The following HSD17B4 variants were observed in gnomAD, a reference collection of about 807,000 sequenced individuals.
HSD17B4 encodes hydroxysteroid 17-beta dehydrogenase 4.
HSD17B4 carries 70 observed loss-of-function variants against 101.0 expected under a neutral mutation model. The ratio of observed to expected loss-of-function variants is 0.69; its 90% CI spans 0.57 to 0.85. The LOEUF is 0.85. Ranked by LOEUF, HSD17B4 falls within the 40% of genes least tolerant of loss-of-function variation. The pLI is 0.00. For synonymous variants in HSD17B4, 347 were observed against 297.1 expected (o/e 1.17, Z -1.73); for missense variants, 984 against 892.4 (o/e 1.10, Z -1.31).
At position 119,455,411 on chromosome 5, in the gene HSD17B4, C is replaced by T. The variant is rs181068983; in HGVS notation, c.59-904C>T. Among the ~76,000 whole-genome samples, 657 of 151,934 alleles carry T rather than the reference C, an allele frequency of 4.3e-3. 5 individuals carry two copies. The highest frequency in any genetic ancestry group is 0.015 in the African/African-American group (613 of 41,420). On this transcript the variant is annotated intron_variant, in intron 1 of 23. Coordinates refer to ENST00000510025, the MANE Select transcript of HSD17B4 (RefSeq NM_000414.4). ...GGGCGCCTGTAGTCCCAGCTACTCGCGAGGCTGAGGCAGGACAATCACCTG... is the reference window on the plus strand; with the variant it reads ...GGGCGCCTGTAGTCCCAGCTACTCGTGAGGCTGAGGCAGGACAATCACCTG...
At chr5:119,514,766 G>A (rs1752466858) in intron 16 of HSD17B4, among the ~76,000 whole-genome samples, 1 of 152,080 alleles carries the variant, frequency 6.6e-6, no homozygotes, top group Non-Finnish European at 1.5e-5. Context: ...TTTACATTTA[G>A]AAAGGTCATT....
At chr5:119,502,855 A>G (rs1751296784) in intron 14 of HSD17B4, among the ~76,000 whole-genome samples, 1 of 152,144 alleles carries the variant, frequency 6.6e-6, no homozygotes, top group South Asian at 2.1e-4. Context: ...TGTAAGTATT[A>G]TAGCATAAGG....
chr5:119,493,894 C>G lies in HSD17B4; in HGVS notation c.816C>G (p.Asn272Lys). 6.2e-7 allele frequency: 1 copy of G among 1,613,334 alleles called. No individual in the cohort carries two copies. Among genetic ancestry groups the G allele is most frequent in the East Asian group, 2.2e-5 (1 of 44,860 alleles). ...TGACTCCTGAGGCAGTCAAGGCTAACTGGAAGAAGATCTGTGACTTTGAGA... is the reference window on the plus strand; with the variant it reads ...TGACTCCTGAGGCAGTCAAGGCTAAGTGGAAGAAGATCTGTGACTTTGAGA... Reference protein sequence around the residue: ...HPMTPEAVKANWKKICDFENA... With the variant: ...HPMTPEAVKAKWKKICDFENA... The change falls in exon 11 of 24, where the codon AAC becomes AAG. Residue 272 changes from asparagine to lysine, a missense_variant. By Grantham distance (94) the Asn-to-Lys change is moderately conservative (BLOSUM62 0). Coordinates refer to ENST00000510025, the MANE Select transcript of HSD17B4 (RefSeq NM_000414.4).
chr5:119,477,723 T>G (rs1275309780), intron 7 of HSD17B4: 21 of 521,128 alleles, frequency 4.0e-5, no homozygotes, highest in Non-Finnish European at 1.8e-5. Context: ...TTACCTCTTT[T>G]TGTTATTAAA....
intron 19 of HSD17B4, 74 bp downstream of exon 19, chr5:119,526,097 GATTTA>G: frequency 1.1e-6 from 1 of 870,166 alleles, no homozygotes; most frequent in Non-Finnish European, 2.0e-6. Flanking sequence ...GGGTTTTAGT[GATTTA>G]ATTGAAAATA....
intron 2 of HSD17B4, among the ~76,000 whole-genome samples, chr5:119,469,356 C>A (rs886279850): frequency 2.7e-5 from 4 of 145,716 alleles, no homozygotes; most frequent in Non-Finnish European, 6.1e-5. Flanking sequence ...ATTTTTATTT[C>A]TTTATTTATC....
chr5:119,457,025 C>T (rs768435218), intron 2 of HSD17B4, among the ~76,000 whole-genome samples: 3 of 152,138 alleles, frequency 2.0e-5, no homozygotes, highest in Non-Finnish European at 2.9e-5. Context: ...GGGGCAGTTA[C>T]ATGAGTTTTT....
intron 2 of HSD17B4, among the ~76,000 whole-genome samples, chr5:119,473,273 C>CTTTTTTTT (rs11408993): frequency 7.3e-4 from 27 of 36,916 alleles, no homozygotes; most frequent in South Asian, 5.3e-3. Context: ...GTGGATGAAT[C>CTTTTTTTT]TTTTTTTTTT....
chr5:119,517,042 G>A (rs937102525), intron 17 of HSD17B4, among the ~76,000 whole-genome samples: 3 of 152,240 alleles, frequency 2.0e-5, no homozygotes, highest in Non-Finnish European at 2.9e-5. Context: ...TGCACTGTGG[G>A]AGCCCCTTTC....
chr5:119,502,999 CA>C (rs1421081217), intron 14 of HSD17B4, among the ~76,000 whole-genome samples: 1 of 151,608 alleles, frequency 6.6e-6, no homozygotes, highest in African/African-American at 2.4e-5. Flanking sequence ...GTCTGTATAT[CA>C]AAATCACCCG....
chr5:119,487,587 T>A (rs1262060118), intron 8 of HSD17B4, among the ~76,000 whole-genome samples: 1 of 152,138 alleles, frequency 6.6e-6, no homozygotes, highest in Non-Finnish European at 1.5e-5. Context: ...ATATTATTAG[T>A]GATAATATAT....
intron 21 of HSD17B4, 173 bp downstream of exon 21, chr5:119,530,153 A>G (rs144609494): frequency 5.1e-5 from 31 of 613,674 alleles, no homozygotes; most frequent in African/African-American, 4.6e-4. Flanking sequence ...ATACTCTGGC[A>G]ATTTATGAAC....
intron 1 of HSD17B4, among the ~76,000 whole-genome samples, chr5:119,454,725 A>G (rs1754424371): frequency 6.6e-6 from 1 of 152,048 alleles, no homozygotes; most frequent in Admixed American, 6.6e-5. Context: ...GGGTTCAAAC[A>G]ATTCTCCTAC....
chr5:119,509,079 G>C, intron 15 of HSD17B4, 62 bp from the exon 16 acceptor site: 1 of 887,500 alleles, frequency 1.1e-6, no homozygotes, highest in Non-Finnish European at 1.9e-6. Flanking sequence ...AACCTATCTT[G>C]GTTAACTAGT....
intron 2 of HSD17B4, among the ~76,000 whole-genome samples, chr5:119,458,027 G>T (rs925133231): frequency 3.3e-5 from 5 of 152,102 alleles, no homozygotes; most frequent in African/African-American, 1.2e-4. Context: ...CTTAAATTCA[G>T]ATTAGGAGTA....
chr5:119,473,936 A>C lies in HSD17B4; in HGVS notation c.141A>C (p.Gly47=), dbSNP rs1748305362. The change falls in exon 3 of 24, where the codon GGA becomes GGC. Residue 47 remains glycine, a synonymous_variant. Transcript: ENST00000510025. The stretch of plus-strand genomic sequence containing the variant: ...ATGATTTGGGAGGGGACTTCAAAGG[A>C]GTTGGTAAAGGCTCCTTAGCTGCTG... ...VVNDLGGDFK[G]VGKGSLAADK... 6.2e-7 allele frequency: 1 copy of C among 1,610,574 alleles called. No homozygotes were observed. Among genetic ancestry groups the C allele is most frequent in the East Asian group, 2.2e-5 (1 of 44,844 alleles).
At chr5:119,537,802 T>G (rs183800147) in intron 23 of HSD17B4, among the ~76,000 whole-genome samples, 152 of 152,252 alleles carry the variant, frequency 1.0e-3, no homozygotes, top group African/African-American at 3.4e-3. Flanking sequence ...AAAACTTTAT[T>G]TACAGAAACA....
At chr5:119,492,557 A>G (rs1429496946) in intron 10 of HSD17B4, 1 of 169,076 alleles carries the variant, frequency 5.9e-6, no homozygotes, top group Non-Finnish European at 1.3e-5. Context: ...TTCCCATGTA[A>G]TTATTTTCTT....
In HSD17B4 at chr5:119,527,218, A is replaced by G. The variant is rs749126747; in HGVS notation, c.1766A>G (p.Lys589Arg). 4.4e-6 allele frequency: 7 copies of G among 1,589,354 alleles called. No homozygotes were observed. The highest frequency in any genetic ancestry group is 5.2e-6 in the Non-Finnish European group (6 of 1,158,104). Residue 589 changes from lysine to arginine, a missense_variant and splice_region_variant, in exon 20 of 24, where the codon AAG (lysine) becomes AGG (arginine). Physicochemically the swap from Lys to Arg is conservative, Grantham distance 26. Transcript: ENST00000510025. ...GGAAACAGAATTCATTTTCAAACCA[A>G]GGTATGAATTTTGCTTTTTCACCCT... Reference protein sequence around the residue: ...KEGNRIHFQTKVQETGDIVIS... With the variant: ...KEGNRIHFQTRVQETGDIVIS...
Sources: gnomAD v4.1 joint callset for allele counts (sites outside exome capture counted in the v4.1 genomes callset) on GRCh38, gnomAD v4.1.1 for gene constraint, MANE v1.5 for transcripts, NCBI Gene and HGNC (gene_info 2026-07-23, HGNC 2026-07-21) for gene names.